Variants in PTPRD observed in about 807,000 individuals in gnomAD.
The protein encoded by PTPRD is receptor-type tyrosine-protein phosphatase delta.
Under a neutral mutation model 214.5 loss-of-function variants are expected in PTPRD, and 34 were observed. The observed-to-expected ratio is 0.16, with a 90% CI of 0.12 to 0.21. PTPRD has a LOEUF of 0.21. Among genes scored for constraint, PTPRD ranks in the 10% least tolerant of loss-of-function variants. The probability of loss-of-function intolerance (pLI) is 1.00; values close to 1 mark genes in which losing one functional copy is unlikely to be tolerated. For missense variants in PTPRD, 2,545 were observed against 2,398.7 expected (o/e 1.06, Z -1.27); for synonymous variants, 1,128 against 845.7 (o/e 1.33, Z -5.79).
At chr9:10,405,424 A>C (rs1330403658) in intron 2 of PTPRD, among the ~76,000 whole-genome samples, 1 of 151,686 alleles carries the variant, frequency 6.6e-6, no homozygotes, top group African/African-American at 2.4e-5. Context: ...GAGAAAATAA[A>C]ACAGATAATA....
intron 2 of PTPRD, among the ~76,000 whole-genome samples, chr9:10,466,515 C>T (rs1196749425): frequency 3.4e-5 from 5 of 148,820 alleles, no homozygotes; most frequent in South Asian, 2.1e-4. Context: ...CCCAGCTACT[C>T]GGGAGGCTGA....
At chr9:8,531,983 C>A (rs935506846) in intron 14 of PTPRD, among the ~76,000 whole-genome samples, 3 of 152,020 alleles carry the variant, frequency 2.0e-5, no homozygotes, top group African/African-American at 7.2e-5. Flanking sequence ...CACTCCAGAG[C>A]CCCCTTTTCA....
intron 9 of PTPRD, among the ~76,000 whole-genome samples, chr9:9,327,566 A>G (rs1288443804): frequency 6.6e-6 from 1 of 152,202 alleles, no homozygotes; most frequent in Non-Finnish European, 1.5e-5. Context: ...AGCCATATCC[A>G]TGACAGATAG....
chr9:10,570,130 G>C (rs1457163548), intron 2 of PTPRD, among the ~76,000 whole-genome samples: 1 of 152,016 alleles, frequency 6.6e-6, no homozygotes, highest in East Asian at 1.9e-4. Context: ...GACTGTTCAT[G>C]GGTCTCTCTC....
intron 4 of PTPRD, among the ~76,000 whole-genome samples, chr9:9,961,066 A>G (rs1429869958): frequency 1.1e-5 from 1 of 87,166 alleles, no homozygotes; most frequent in African/African-American, 3.0e-5. Context: ...AAAAATGCTC[A>G]TCATCACTGG....
chr9:9,952,973 G>A (rs1376822929), intron 4 of PTPRD, among the ~76,000 whole-genome samples: 1 of 152,030 alleles, frequency 6.6e-6, no homozygotes, highest in African/African-American at 2.4e-5. Context: ...AAACCTGTGG[G>A]GTAAGGAACA....
chr9:10,607,697 A>C (rs1044620702), intron 2 of PTPRD, among the ~76,000 whole-genome samples: 2 of 151,978 alleles, frequency 1.3e-5, no homozygotes, highest in African/African-American at 2.4e-5. Flanking sequence ...GAAGAAAAAA[A>C]AAGTTTCCAA....
intron 10 of PTPRD, among the ~76,000 whole-genome samples, chr9:9,155,016 G>C (rs1410589891): frequency 6.6e-6 from 1 of 152,096 alleles, no homozygotes; most frequent in Non-Finnish European, 1.5e-5. Flanking sequence ...TGCTTTGTTA[G>C]ATACAATATG....
intron 3 of PTPRD, among the ~76,000 whole-genome samples, chr9:10,077,830 C>CTTT (rs60983926): frequency 6.8e-6 from 1 of 147,008 alleles, no homozygotes; most frequent in Admixed American, 6.8e-5. Flanking sequence ...CATGATCTCT[C>CTTT]TTTTTTTTTT....
In PTPRD at chr9:8,485,336, G is replaced by C. The variant is rs1486456766; in HGVS notation, c.3056-12C>G. 5.0e-6 allele frequency: 8 copies of C among 1,591,158 alleles called. No homozygotes were observed. The highest frequency in any genetic ancestry group is 6.9e-6 in the Non-Finnish European group (8 of 1,159,724). ...ATTTTTTGCAAACACTGCTGGAAAA[G>C]GAAAAACAGTGTATTTAAACTATTC... On this transcript the variant is annotated splice_polypyrimidine_tract_variant and intron_variant, in intron 28 of 45. Coordinates refer to ENST00000381196, the MANE Select transcript of PTPRD (RefSeq NM_002839.4).
intron 5 of PTPRD, among the ~76,000 whole-genome samples, chr9:9,911,469 ATTTGTTATGGTTTGGGGTTTGT>A (rs879526634): frequency 0.36 from 53,870 of 151,560 alleles, 10,111 homozygotes; most frequent in East Asian, 0.46. Flanking sequence ...CTCCCTTACC[ATTTGTTATGGTTTGGGGTTTGT>A]TACCCCAACT....
intron 12 of PTPRD, among the ~76,000 whole-genome samples, chr9:8,732,927 G>C (rs762867218): frequency 9.9e-5 from 15 of 152,228 alleles, no homozygotes; most frequent in African/African-American, 3.1e-4. Context: ...ACTCATACTA[G>C]GTGATTCCCA....
chr9:9,587,579 C>A (rs7866692), intron 7 of PTPRD, among the ~76,000 whole-genome samples: 3,214 of 152,070 alleles, frequency 0.021, 118 homozygotes, highest in African/African-American at 0.073. Flanking sequence ...TGAGATACTA[C>A]AGTGCTTCTC....
At chr9:8,917,324 G>C (rs2098794156) in intron 11 of PTPRD, among the ~76,000 whole-genome samples, 1 of 148,544 alleles carries the variant, frequency 6.7e-6, no homozygotes, top group African/African-American at 2.5e-5. Context: ...TTTTAGTTGA[G>C]ACAGCGTTTC....
intron 9 of PTPRD, among the ~76,000 whole-genome samples, chr9:9,257,846 C>T (rs1260845724): frequency 6.6e-6 from 1 of 151,822 alleles, no homozygotes; most frequent in Non-Finnish European, 1.5e-5. Flanking sequence ...CTAGCAGGGA[C>T]ATTAGGGACA....
At chr9:8,776,389 A>G (rs1164876957) in intron 11 of PTPRD, among the ~76,000 whole-genome samples, 1 of 152,120 alleles carries the variant, frequency 6.6e-6, no homozygotes, top group African/African-American at 2.4e-5. Context: ...TGCAGTATTG[A>G]TCTTCCAGGG....
intron 11 of PTPRD, among the ~76,000 whole-genome samples, chr9:8,885,183 T>A (rs1217803074): frequency 6.6e-6 from 1 of 152,198 alleles, no homozygotes; most frequent in Non-Finnish European, 1.5e-5. Flanking sequence ...CTACTCTTCT[T>A]GGCTGTGCTA....
chr9:9,137,902 G>T (rs1431282452), intron 10 of PTPRD, among the ~76,000 whole-genome samples: 2 of 152,026 alleles, frequency 1.3e-5, no homozygotes, highest in Non-Finnish European at 2.9e-5. Context: ...CCCGACCATT[G>T]TTTTCATTAT....
chr9:9,874,236 G>A (rs1019171342), intron 5 of PTPRD, among the ~76,000 whole-genome samples: 8 of 151,734 alleles, frequency 5.3e-5, no homozygotes, highest in African/African-American at 1.2e-4. Context: ...CGAGAGAGAG[G>A]GCTATGTATA....
Sources: gnomAD v4.1 joint callset for allele counts (sites outside exome capture counted in the v4.1 genomes callset) on GRCh38, gnomAD v4.1.1 for gene constraint, MANE v1.5 for transcripts, NCBI Gene and HGNC (gene_info 2026-07-23, HGNC 2026-07-21) for gene names.